DEUP1: variants seen among roughly 807,000 people sequenced by gnomAD.
DEUP1 encodes deuterosome assembly protein 1, also known as coiled-coil domain containing 67.
DEUP1 carries 82 observed loss-of-function variants against 87.4 expected under a neutral mutation model. That is an observed-to-expected ratio of 0.94 (90% confidence interval 0.78 to 1.13). The LOEUF (loss-of-function observed/expected upper bound fraction) is 1.13. Among genes scored for constraint, DEUP1 ranks in the 50% most tolerant of loss-of-function variants. The pLI, the probability that DEUP1 is intolerant of heterozygous loss-of-function variation, is 0.00. For missense variants in DEUP1, 663 were observed against 681.5 expected, an observed-to-expected ratio of 0.97 and a Z score of 0.30; for synonymous variants, 214 against 222.7, an observed-to-expected ratio of 0.96 and a Z score of 0.35.
intron 12 of DEUP1, chr11:93,411,358 G>A (rs1010551420): frequency 6.6e-6 from 1 of 152,174 alleles, no homozygotes; most frequent in African/African-American, 2.4e-5. Context: ...TGAAGAAAAT[G>A]TTCCACAAAA....
chr11:93,383,484 C>CAT (rs1946396431), intron 7 of DEUP1: 1 of 546,316 alleles, frequency 1.8e-6, no homozygotes, highest in Non-Finnish European at 3.3e-6. Context: ...TGGGGAGTGA[C>CAT]TGTTAATGAG....
chr11:93,357,866 A>C (rs979712065), intron 4 of DEUP1, among the ~76,000 whole-genome samples: 1 of 152,170 alleles, frequency 6.6e-6, no homozygotes, highest in African/African-American at 2.4e-5. Flanking sequence ...GCCATTTAAC[A>C]GATGATTTTA....
At chr11:93,404,383 A>C (rs1947207879) in intron 11 of DEUP1, among the ~76,000 whole-genome samples, 1 of 152,040 alleles carries the variant, frequency 6.6e-6, no homozygotes, top group South Asian at 2.1e-4. Context: ...AATCAGATTT[A>C]ATTAGAACTC....
At chr11:93,402,519 AG>A (rs1947149213) in intron 11 of DEUP1, among the ~76,000 whole-genome samples, 1 of 151,964 alleles carries the variant, frequency 6.6e-6, no homozygotes, top group South Asian at 2.1e-4. Flanking sequence ...TATATCCAAA[AG>A]AAAGGAATCA....
At chr11:93,353,278 T>A (rs1944718174) in intron 2 of DEUP1, among the ~76,000 whole-genome samples, 1 of 152,206 alleles carries the variant, frequency 6.6e-6, no homozygotes, top group Non-Finnish European at 1.5e-5. Context: ...TGACTTCAGG[T>A]CTCACATCCA....
intron 11 of DEUP1, 103 bp from the exon 12 acceptor site, chr11:93,408,128 C>A: frequency 1.2e-6 from 1 of 810,272 alleles, no homozygotes; most frequent in Non-Finnish European, 1.9e-6. Context: ...CATCACTTGG[C>A]TCAAATGAAA....
At chr11:93,332,989 T>C (rs11020271) in intron 2 of DEUP1, among the ~76,000 whole-genome samples, 1 of 152,228 alleles carries the variant, frequency 6.6e-6, no homozygotes, top group East Asian at 1.9e-4. Flanking sequence ...GTCACACCAC[T>C]TCAGGTGTCT....
intron 2 of DEUP1, among the ~76,000 whole-genome samples, chr11:93,333,942 G>A (rs934492123): frequency 2.6e-5 from 4 of 152,182 alleles, no homozygotes; most frequent in African/African-American, 9.7e-5. Context: ...CTAAGGTTGG[G>A]TCCCAGATAT....
chr11:93,345,363 G>A (rs1307633650), intron 2 of DEUP1, among the ~76,000 whole-genome samples: 2 of 152,108 alleles, frequency 1.3e-5, no homozygotes, highest in East Asian at 1.9e-4. Flanking sequence ...GTATTCCTTT[G>A]GTATATACCC....
At chr11:93,435,467 A>G (rs770105436) in intron 13 of DEUP1, among the ~76,000 whole-genome samples, 18 of 152,208 alleles carry the variant, frequency 1.2e-4, no homozygotes, top group African/African-American at 1.7e-4. Flanking sequence ...ATTGTCTTGC[A>G]AATAGTATAT....
chr11:93,414,414 G>A (rs965606318), intron 12 of DEUP1, among the ~76,000 whole-genome samples: 5 of 152,128 alleles, frequency 3.3e-5, no homozygotes, highest in Admixed American at 3.3e-4. Flanking sequence ...TCAGGAGACA[G>A]GAGAGTCTCT....
At position 93,364,403 on chromosome 11, in the gene DEUP1, C is replaced by T. The variant is rs1945313758; in HGVS notation, c.432+109C>T. On this transcript the variant is annotated intron_variant, in intron 5 of 13. Coordinates refer to ENST00000298050, the MANE Select transcript of DEUP1 (RefSeq NM_181645.4). ...TGGTGTCTTCAGTTGTGGTAATAAA[C>T]ACTATTACAAACTAACTTCTCACTG... The T allele has an allele frequency of 7.4e-6, 7 of 952,008 alleles. No homozygotes were observed. In the East Asian group the frequency reaches 1.7e-4, roughly 24 times the overall value. 59.0% of individuals were successfully genotyped at this position (952,008 alleles called of 1,614,324 possible).
At chr11:93,394,013 A>G (rs558287229) in intron 9 of DEUP1, among the ~76,000 whole-genome samples, 1 of 152,368 alleles carries the variant, frequency 6.6e-6, no homozygotes, top group Admixed American at 6.5e-5. Flanking sequence ...AGTTACAAAC[A>G]GTACAGCCTA....
chr11:93,370,465 G>A (rs779086565), intron 6 of DEUP1, among the ~76,000 whole-genome samples: 3 of 152,176 alleles, frequency 2.0e-5, no homozygotes, highest in East Asian at 1.9e-4. Context: ...AAGAATTTAC[G>A]ATTGCTTGCT....
chr11:93,353,497 C>T (rs1181741711), intron 2 of DEUP1, among the ~76,000 whole-genome samples: 2 of 152,172 alleles, frequency 1.3e-5, no homozygotes, highest in Non-Finnish European at 1.5e-5. Context: ...AGGCAGTGCC[C>T]CAGTAGGGAC....
intron 2 of DEUP1, among the ~76,000 whole-genome samples, chr11:93,334,658 C>T (rs1943659978): frequency 6.6e-6 from 1 of 152,280 alleles, no homozygotes; most frequent in Admixed American, 6.5e-5. Context: ...AGCTTTCCCA[C>T]AGAACATTTT....
Position 93,337,993 on chromosome 11 carries a change from A to G in DEUP1, c.29+5705A>G, listed in dbSNP as rs76351928. 9.8e-4 allele frequency among the ~76,000 whole-genome samples: 149 copies of G among 152,274 alleles called. 1 individual carries two copies. The East Asian group carries it at 0.026, about 26-fold the overall frequency. On this transcript the variant is annotated intron_variant, in intron 2 of 13. Transcript: ENST00000298050. The stretch of plus-strand genomic sequence containing the variant: ...CCTGACCTGGTTGTCTATGGTGCTT[A>G]GTTGTATGGCACCTTGGAACCACCT...
intron 9 of DEUP1, among the ~76,000 whole-genome samples, chr11:93,393,058 T>A (rs1351921037): frequency 7.2e-6 from 1 of 139,684 alleles, no homozygotes; most frequent in African/African-American, 2.7e-5. Context: ...TTTCTCCTCC[T>A]CCTCCTCCTT....
upstream of DEUP1, chr11:93,330,076 C>T (rs1943395650): frequency 1.3e-5 from 2 of 152,356 alleles, no homozygotes; most frequent in South Asian, 4.1e-4. Context: ...ACCCATCGCG[C>T]TTGACGGGAA....
Sources: allele counts gnomAD v4.1 joint callset (sites outside exome capture counted in the v4.1 genomes callset), GRCh38; gene constraint gnomAD v4.1.1; transcripts MANE v1.5; gene names NCBI Gene and HGNC (gene_info 2026-07-23, HGNC 2026-07-21).